Variants in ALG10 observed in about 807,000 individuals in gnomAD.
ALG10 encodes the protein dol-P-Glc:Glc(2)Man(9)GlcNAc(2)-PP-Dol alpha-1,2-glucosyltransferase A.
ALG10 carries 25 observed loss-of-function variants against 39.2 expected under a neutral mutation model. The ratio of observed to expected loss-of-function variants is 0.64; its 90% confidence interval spans 0.46 to 0.89. The LOEUF is 0.89. ALG10 is among the 40% of genes least tolerant of loss of function. The pLI is 0.00. For missense variants in ALG10, 486 were observed against 546.6 expected (o/e 0.89, Z 1.11); for synonymous variants, 184 against 193.9 (o/e 0.95, Z 0.42).
intron 1 of ALG10, 118 bp from the exon 2 acceptor site, chr12:34,023,844 T>C: frequency 7.4e-7 from 1 of 1,357,024 alleles, no homozygotes; most frequent in Non-Finnish European, 1.1e-6. Context: ...AATCTTGTCA[T>C]AGAATAACTT....
intron 2 of ALG10, among the ~76,000 whole-genome samples, chr12:34,024,610 A>T (rs551438910): frequency 1.3e-4 from 20 of 152,328 alleles, no homozygotes; most frequent in Admixed American, 1.3e-4. Context: ...GTTACCATGG[A>T]CAGGTTAACC....
rs1489649744 is a variant in ALG10, at chr12:34,022,750, G to T, written c.151G>T (p.Gly51Cys). 1 of 1,613,978 alleles carries T rather than the reference G, an allele frequency of 6.2e-7. No individual in the cohort carries two copies. The highest frequency in any genetic ancestry group is 8.5e-7 in the Non-Finnish European group (1 of 1,180,014). Reference sequence around the variant, plus strand: ...GCCTCAGGCGCAGCGCTACTGTGAGGGCCATTTCTCCCTTTCCCAGGTGGG... The same window carrying T: ...GCCTCAGGCGCAGCGCTACTGTGAGTGCCATTTCTCCCTTTCCCAGGTGGG... ...HLPQAQRYCE[G>C]HFSLSQWDPM... is the part of the protein sequence containing the mutation. Residue 51 changes from glycine (G) to cysteine (C), a missense_variant, in exon 1 of 3, where the codon GGC (glycine) becomes TGC (cysteine). By Grantham distance (159) the Gly-to-Cys change is radical. Coordinates refer to ENST00000266483, the MANE Select transcript of ALG10 (RefSeq NM_032834.4).
Position 34,026,316 on chromosome 12 carries a change from G to C in ALG10, c.823G>C (p.Val275Leu), listed in dbSNP as rs1333914957. 6.2e-7 allele frequency: 1 copy of C among 1,614,058 alleles called. No homozygotes were observed. The highest frequency in any genetic ancestry group is 8.5e-7 in the Non-Finnish European group (1 of 1,179,960). ...CAFVVVNGGI[V>L]IGDRSSHEAC... is the part of the protein sequence containing the mutation. ...TTTTGTAGTAGTTAATGGTGGAATT[G>C]TTATTGGCGATCGGAGTAGTCATGA... The change falls in exon 3 of 3, where the codon GTT becomes CTT. Residue 275 changes from valine (V) to leucine (L), a missense_variant. Physicochemically the swap from Val to Leu is conservative, Grantham distance 32. Transcript: ENST00000266483.
chr12:34,026,295 GTA>G lies in ALG10; in HGVS notation c.803_804del (p.Val268GlyfsTer3), dbSNP rs754203779. 1.9e-6 allele frequency: 3 copies of G among 1,614,094 alleles called. No individual in the cohort carries two copies. The Admixed American group carries it at 5.0e-5, about 27-fold the overall frequency. ...TCTGGGATTTCTGTTTTGTGCTTTT[GTA>G]GTAGTTAATGGTGGAATTGTTATTG... ...ILLGFLFCAF[V>X]VVNGGIVIGD... On this transcript the variant is annotated frameshift_variant, in exon 3 of 3. Transcript: ENST00000266483. LOFTEE classifies it high-confidence loss of function.
Position 34,027,955 on chromosome 12 carries a change from C to T in ALG10, c.*1040C>T, listed in dbSNP as rs1942854188. On this transcript the variant is annotated 3_prime_UTR_variant, in exon 3 of 3. Transcript: ENST00000266483. Reference sequence around the variant, plus strand: ...CACACGGCCTTTCCCTCTGTCTTCTCTTCATTACCTTTTAAGGACAGTGTC... The same window carrying T: ...CACACGGCCTTTCCCTCTGTCTTCTTTTCATTACCTTTTAAGGACAGTGTC... 1 of 152,184 alleles carries T rather than the reference C, an allele frequency of 6.6e-6. No homozygotes were observed. The highest frequency in any genetic ancestry group is 1.9e-4 in the East Asian group (1 of 5,192). 9.4% of individuals were successfully genotyped at this position (152,184 alleles called of 1,614,324 possible).
rs568727613 is a variant in ALG10, at chr12:34,023,028, G to A, written c.171+258G>A. ...AACGGGGAACTGAGCCCTCCTCTTG[G>A]CAGCTGACGATATCGATCCCACTTT... On this transcript the variant is annotated intron_variant, in intron 1 of 2. Transcript: ENST00000266483. 8.5e-5 allele frequency: 44 copies of A among 515,422 alleles called. No individual in the cohort carries two copies. The East Asian group carries it at 1.4e-3, about 16-fold the overall frequency. The allele number at this position is 515,422 out of a possible 1,614,324, so 31.9% of individuals were successfully genotyped here.
In ALG10 at chr12:34,027,793, A is replaced by C. The variant is rs1343083771; in HGVS notation, c.*878A>C. 1.3e-5 allele frequency: 2 copies of C among 152,172 alleles called. No homozygotes were observed. The highest frequency in any genetic ancestry group is 4.8e-5 in the African/African-American group (2 of 41,450). The allele number at this position is 152,172 out of a possible 1,614,324, so 9.4% of individuals were successfully genotyped here. On this transcript the variant is annotated 3_prime_UTR_variant, in exon 3 of 3. Transcript: ENST00000266483. ...TTCCTTCTGGAGGCTCTAAGGAAGA[A>C]TCCATAAACAGACATTCTATGTCTG...
At position 34,022,664 on chromosome 12, in the gene ALG10, T is replaced by G. The variant is rs1413895583; in HGVS notation, c.65T>G (p.Leu22Arg). ...ALSCTFLVSC[L>R]LFSAFSRALR... ...AGCTGTACCTTTTTAGTATCCTGCC[T>G]CCTCTTCTCCGCCTTCAGCCGGGCG... Residue 22 changes from leucine to arginine, a missense_variant, in exon 1 of 3, where the codon CTC (leucine) becomes CGC (arginine). Leu to Arg is a moderately radical substitution (Grantham distance 102). Coordinates refer to ENST00000266483, the MANE Select transcript of ALG10 (RefSeq NM_032834.4). 13 of 1,613,982 alleles carry G rather than the reference T, an allele frequency of 8.1e-6. No individual in the cohort carries two copies. Among genetic ancestry groups the G allele is most frequent in the Non-Finnish European group, 1.0e-5 (12 of 1,179,974 alleles).
intron 1 of ALG10, 59 bp from the exon 2 acceptor site, chr12:34,023,903 T>C: frequency 6.3e-7 from 1 of 1,595,364 alleles, no homozygotes; most frequent in Non-Finnish European, 8.6e-7. Context: ...CTTGACATAT[T>C]TGTGCCTGTC....
intron 1 of ALG10, 52 bp from the exon 2 acceptor site, chr12:34,023,909 CT>C: frequency 3.1e-6 from 5 of 1,602,836 alleles, no homozygotes; most frequent in Non-Finnish European, 4.3e-6. Context: ...ATATTTGTGC[CT>C]GTCTTGTTCC....
Position 34,028,095 on chromosome 12 carries a change from G to A in ALG10, c.*1180G>A, listed in dbSNP as rs1416917040. 3 of 152,122 alleles carry A rather than the reference G, an allele frequency of 2.0e-5. No individual in the cohort carries two copies. Among genetic ancestry groups the A allele is most frequent in the Non-Finnish European group, 4.4e-5 (3 of 68,028 alleles). 9.4% of individuals were successfully genotyped at this position (152,122 alleles called of 1,614,324 possible). Reference sequence around the variant, plus strand: ...TATTCACATGATCTGAGTAGACATTGTCTCTTCGTGGGATACTTTTCAGTC... The same window carrying A: ...TATTCACATGATCTGAGTAGACATTATCTCTTCGTGGGATACTTTTCAGTC... On this transcript the variant is annotated 3_prime_UTR_variant, in exon 3 of 3. Transcript: ENST00000266483.
chr12:34,022,858 C>CT, intron 1 of ALG10, 88 bp downstream of exon 1: 1 of 1,568,774 alleles, frequency 6.4e-7, no homozygotes, highest in Non-Finnish European at 8.7e-7. Flanking sequence ...TTCACTCGTC[C>CT]TGTTCCACCC....
intron 2 of ALG10, 74 bp downstream of exon 2, chr12:34,024,233 A>G: frequency 6.5e-7 from 1 of 1,546,528 alleles, no homozygotes; most frequent in Non-Finnish European, 8.9e-7. Flanking sequence ...GTTTTATGAG[A>G]TTTGGTGAAA....
rs1555163176 is a variant in ALG10, at chr12:34,026,644, T to G, written c.1151T>G (p.Ile384Arg). 1.2e-6 allele frequency: 2 copies of G among 1,613,968 alleles called. No homozygotes were observed. Among genetic ancestry groups the G allele is most frequent in the Admixed American group, 3.3e-5 (2 of 60,008 alleles). ...VPAYIFAGWS[I>R]ADSLKSKSIF... ...GCCTATATATTTGCTGGTTGGAGTA[T>G]AGCTGACTCATTGAAATCAAAGTCA... Residue 384 changes from isoleucine (I) to arginine (R), a missense_variant, in exon 3 of 3, where the codon ATA becomes AGA. Transcript: ENST00000266483.
In ALG10 at chr12:34,022,656, A is replaced by G. The variant is rs765607698; in HGVS notation, c.57A>G (p.Val19=). 13 of 1,614,028 alleles carry G rather than the reference A, an allele frequency of 8.1e-6. No individual in the cohort carries two copies. The highest frequency in any genetic ancestry group is 1.3e-5 in the African/African-American group (1 of 75,012). Residue 19 remains valine, a synonymous_variant, in exon 1 of 3, where the codon GTA becomes GTG. Coordinates refer to ENST00000266483, the MANE Select transcript of ALG10 (RefSeq NM_032834.4). ...CCGCCTTGAGCTGTACCTTTTTAGT[A>G]TCCTGCCTCCTCTTCTCCGCCTTCA... is the stretch of plus-strand genomic sequence containing the variant. ...FSAALSCTFL[V]SCLLFSAFSR...
upstream of ALG10, chr12:34,022,489 T>C: frequency 6.4e-7 from 1 of 1,561,192 alleles, no homozygotes; most frequent in Non-Finnish European, 8.8e-7. Context: ...TGTGGCCCCG[T>C]CTGGCTAGTC....
At chr12:34,023,332 A>G (rs1942798957) in intron 1 of ALG10, 1 of 167,186 alleles carries the variant, frequency 6.0e-6, no homozygotes, top group African/African-American at 2.4e-5. Flanking sequence ...ATAAATATCA[A>G]AATAAGCATC....
At position 34,026,343 on chromosome 12, in the gene ALG10, G is replaced by A; in HGVS notation, c.850G>A (p.Ala284Thr). The A allele has an allele frequency of 5.6e-6, 9 of 1,613,840 alleles. No individual in the cohort carries two copies. Among genetic ancestry groups the A allele is most frequent in the Non-Finnish European group, 7.6e-6 (9 of 1,179,828 alleles). ...IVIGDRSSHE[A>T]CLHFPQLFYF... ...TATTGGCGATCGGAGTAGTCATGAA[G>A]CCTGTCTTCATTTTCCTCAACTATT... Residue 284 changes from alanine to threonine, a missense_variant, in exon 3 of 3, where the codon GCC becomes ACC. Coordinates refer to ENST00000266483, the MANE Select transcript of ALG10 (RefSeq NM_032834.4).
intron 1 of ALG10, 169 bp downstream of exon 1, chr12:34,022,939 T>G: frequency 2.2e-6 from 2 of 906,212 alleles, no homozygotes; most frequent in African/African-American, 1.7e-5. Flanking sequence ...TGTGAAATAT[T>G]TATTAAATGA....
Sources: gnomAD v4.1 joint callset for allele counts (sites outside exome capture counted in the v4.1 genomes callset) on GRCh38, gnomAD v4.1.1 for gene constraint, MANE v1.5 for transcripts, NCBI Gene and HGNC (gene_info 2026-07-23, HGNC 2026-07-21) for gene names.